SUSD5: variants seen among roughly 807,000 people sequenced by gnomAD.
SUSD5 encodes sushi domain-containing protein 5.
In SUSD5, 33 loss-of-function variants were observed where a neutral mutation model predicts 29.5. The observed-to-expected ratio is 1.12, with a 90% CI of 0.85 to 1.49. The LOEUF is 1.49. SUSD5 is among the 40% of genes most tolerant of loss of function. The pLI is 0.00. For synonymous variants in SUSD5, 308 were observed against 325.3 expected (o/e 0.95, Z 0.57); for missense variants, 776 against 800.6 (o/e 0.97, Z 0.37).
chr3:33,199,229 C>CAG (rs2032055984), intron 3 of SUSD5, among the ~76,000 whole-genome samples: 1 of 151,506 alleles, frequency 6.6e-6, no homozygotes, highest in South Asian at 2.1e-4. Context: ...CACACACACA[C>CAG]ACACACACAC....
In SUSD5 at chr3:33,175,100, T is replaced by G. The variant is rs755316517; in HGVS notation, c.410-26A>C. On this transcript the variant is annotated intron_variant, in intron 3 of 4. Coordinates refer to ENST00000309558, the MANE Select transcript of SUSD5 (RefSeq NM_015551.2). ...CTGAGGAGAAGGAATCACAGTTAGC[T>G]TTTCCAAACTGTGCGGAACTTTTTC... 8.8e-5 allele frequency: 142 copies of G among 1,611,900 alleles called. No homozygotes were observed. In the East Asian group the frequency reaches 3.1e-3, roughly 35 times the overall value.
chr3:33,188,001 A>G (rs1023440720), intron 3 of SUSD5, among the ~76,000 whole-genome samples: 3 of 152,212 alleles, frequency 2.0e-5, no homozygotes, highest in African/African-American at 7.2e-5. Context: ...AACCATTTCA[A>G]CATCAAGAGA....
chr3:33,207,963 T>G lies in SUSD5; in HGVS notation c.291-37A>C. On this transcript the variant is annotated intron_variant, in intron 2 of 4. Transcript: ENST00000309558. ...AAAAAAGGCACTGAATGAGGAAAAC[T>G]CTGGGTTGAAAATAATAAGGAATAA... The G allele has an allele frequency of 2.0e-6, 3 of 1,510,774 alleles. No individual in the cohort carries two copies. In the East Asian group the frequency reaches 6.8e-5, roughly 34 times the overall value. The allele number at this position is 1,510,774 out of a possible 1,614,324, so 93.6% of individuals were successfully genotyped here.
chr3:33,174,318 A>G (rs1336004641), intron 4 of SUSD5, among the ~76,000 whole-genome samples: 2 of 152,142 alleles, frequency 1.3e-5, no homozygotes, highest in Non-Finnish European at 2.9e-5. Flanking sequence ...ATCAGAACTC[A>G]TATGTGTGGT....
intron 3 of SUSD5, among the ~76,000 whole-genome samples, chr3:33,205,853 T>C (rs1330183832): frequency 1.3e-5 from 2 of 152,218 alleles, no homozygotes; most frequent in East Asian, 1.9e-4. Context: ...GTTTGCAAAA[T>C]TGTAAGCTAA....
chr3:33,173,575 G>A (rs891510384), intron 4 of SUSD5, among the ~76,000 whole-genome samples: 3 of 152,186 alleles, frequency 2.0e-5, no homozygotes, highest in African/African-American at 7.2e-5. Flanking sequence ...AGGCAACAAC[G>A]TGAATGAATC....
At chr3:33,192,202 T>C (rs891867516) in intron 3 of SUSD5, among the ~76,000 whole-genome samples, 4 of 151,712 alleles carry the variant, frequency 2.6e-5, no homozygotes, top group African/African-American at 9.7e-5. Context: ...GCCTTCCAAG[T>C]AGCTGGGACT....
At position 33,153,926 on chromosome 3, in the gene SUSD5, C is replaced by T. The variant is rs754473598; in HGVS notation, c.706G>A (p.Gly236Ser). Residue 236 changes from glycine to serine, a missense_variant, in exon 5 of 5, where the codon GGT becomes AGT. Gly to Ser is a moderately conservative substitution (Grantham distance 56). Transcript: ENST00000309558. ...DSRTEADEDR[G>S]QGDSSEEAPK... ...GCCTCCTCAGAGGAGTCTCCCTGAC[C>T]CCTGTCCTCATCTGCCTCTGTCCGG... is the stretch of plus-strand genomic sequence containing the variant. The T allele has an allele frequency of 1.9e-6, 3 of 1,613,930 alleles. No individual in the cohort carries two copies. The highest frequency in any genetic ancestry group is 2.5e-6 in the Non-Finnish European group (3 of 1,179,876).
intron 4 of SUSD5, among the ~76,000 whole-genome samples, chr3:33,164,028 C>G (rs2031251200): frequency 6.6e-6 from 1 of 151,438 alleles, no homozygotes; most frequent in South Asian, 2.1e-4. Context: ...CAAAAAATTA[C>G]CCGGGTGTGG....
At chr3:33,172,713 A>G (rs1027764844) in intron 4 of SUSD5, among the ~76,000 whole-genome samples, 3 of 152,276 alleles carry the variant, frequency 2.0e-5, no homozygotes, top group African/African-American at 7.2e-5. Flanking sequence ...TTAGGTATGC[A>G]ACAAGGCAAG....
At chr3:33,184,717 TTC>T (rs2031743868) in intron 3 of SUSD5, among the ~76,000 whole-genome samples, 1 of 152,230 alleles carries the variant, frequency 6.6e-6, no homozygotes, top group African/African-American at 2.4e-5. Flanking sequence ...ATGAGCCTAT[TTC>T]TGTTACAGTG....
At chr3:33,197,680 G>C (rs1246070071) in intron 3 of SUSD5, among the ~76,000 whole-genome samples, 1 of 152,064 alleles carries the variant, frequency 6.6e-6, no homozygotes, top group Non-Finnish European at 1.5e-5. Flanking sequence ...CTCACTGGTA[G>C]TTTTACCTTT....
At chr3:33,186,264 T>C (rs2031776606) in intron 3 of SUSD5, among the ~76,000 whole-genome samples, 1 of 150,568 alleles carries the variant, frequency 6.6e-6, no homozygotes, top group South Asian at 2.1e-4. Flanking sequence ...ATTGCGCCAC[T>C]GCACTCCAGC....
chr3:33,188,667 A>T (rs550328018), intron 3 of SUSD5, among the ~76,000 whole-genome samples: 1 of 152,178 alleles, frequency 6.6e-6, no homozygotes, highest in African/African-American at 2.4e-5. Context: ...AACAGGCAAA[A>T]CCTATATGTG....
At chr3:33,187,811 A>G (rs1259412631) in intron 3 of SUSD5, among the ~76,000 whole-genome samples, 1 of 50,114 alleles carries the variant, frequency 2.0e-5, no homozygotes, top group Admixed American at 2.4e-4. Context: ...CCCTCCCCCC[A>G]CCCCACAACA....
At chr3:33,188,694 T>G (rs1021420314) in intron 3 of SUSD5, among the ~76,000 whole-genome samples, 2 of 152,158 alleles carry the variant, frequency 1.3e-5, no homozygotes, top group Admixed American at 6.5e-5. Flanking sequence ...AGAATTGGAA[T>G]AGAGATGGGC....
intron 2 of SUSD5, among the ~76,000 whole-genome samples, chr3:33,213,540 G>A (rs532085405): frequency 1.3e-5 from 2 of 152,284 alleles, no homozygotes; most frequent in South Asian, 2.1e-4. Context: ...CTGGGAGGCC[G>A]AGGCAGGTAG....
chr3:33,184,967 T>G (rs2031748964), intron 3 of SUSD5, among the ~76,000 whole-genome samples: 1 of 152,248 alleles, frequency 6.6e-6, no homozygotes, highest in Non-Finnish European at 1.5e-5. Flanking sequence ...TGCCTCGTAA[T>G]TTTTGTTGAA....
At chr3:33,193,467 C>A (rs893333240) in intron 3 of SUSD5, among the ~76,000 whole-genome samples, 8 of 152,018 alleles carry the variant, frequency 5.3e-5, no homozygotes. Flanking sequence ...AGGATCAGGG[C>A]ATAGGAGGCT....
Sources: allele counts gnomAD v4.1 joint callset (sites outside exome capture counted in the v4.1 genomes callset), GRCh38; gene constraint gnomAD v4.1.1; transcripts MANE v1.5; gene names NCBI Gene and HGNC (gene_info 2026-07-23, HGNC 2026-07-21).